GNG12: variants seen among roughly 807,000 people sequenced by gnomAD.
GNG12 encodes G protein subunit gamma 12, also known as guanine nucleotide-binding protein G(I)/G(S)/G(O) subunit gamma-12.
For missense variants in GNG12, 69 were observed against 83.8 expected, an observed-to-expected ratio of 0.82 and a Z score of 0.69; for synonymous variants, 28 against 29.7, an observed-to-expected ratio of 0.94 and a Z score of 0.19.
intron 2 of GNG12, among the ~76,000 whole-genome samples, chr1:67,764,955 G>A (rs908298356): frequency 2.0e-5 from 3 of 152,112 alleles, no homozygotes; most frequent in Non-Finnish European, 4.4e-5. Context: ...AAGCCTGTTT[G>A]GTATTTCAGG....
intron 1 of GNG12, among the ~76,000 whole-genome samples, chr1:67,833,104 G>A (rs1647060192): frequency 6.6e-6 from 1 of 151,012 alleles, no homozygotes; most frequent in African/African-American, 2.4e-5. Context: ...GGGTCTCGGT[G>A]TCCCTTGGCC....
At chr1:67,788,164 T>G (rs552002120) in intron 1 of GNG12, among the ~76,000 whole-genome samples, 1 of 152,314 alleles carries the variant, frequency 6.6e-6, no homozygotes, top group East Asian at 1.9e-4. Flanking sequence ...TGAATAATAT[T>G]TGCAAAGCAA....
intron 2 of GNG12, among the ~76,000 whole-genome samples, chr1:67,744,577 GAC>G (rs1323127362): frequency 1.3e-5 from 2 of 152,190 alleles, no homozygotes; most frequent in Non-Finnish European, 2.9e-5. Context: ...CATGGAAATG[GAC>G]AGAGACAAGG....
intron 1 of GNG12, among the ~76,000 whole-genome samples, chr1:67,785,714 C>T (rs2100775690): frequency 6.6e-6 from 1 of 152,320 alleles, no homozygotes; most frequent in East Asian, 1.9e-4. Flanking sequence ...CTTTGCTACA[C>T]CATTCCTTAC....
At position 67,799,823 on chromosome 1, in the gene GNG12, T is replaced by G. The variant is rs144991274; in HGVS notation, c.-76-22316A>C. On this transcript the variant is annotated intron_variant, in intron 1 of 3. Transcript: ENST00000370982. Reference sequence around the variant, plus strand: ...AGAAGAAATTTTAGTGAAAATTGTTTTACAGTTTTGTAAATCTCTTTAATT... The same window carrying G: ...AGAAGAAATTTTAGTGAAAATTGTTGTACAGTTTTGTAAATCTCTTTAATT... Among the ~76,000 whole-genome samples the G allele has an allele frequency of 5.1e-3, 773 of 152,372 alleles. 7 individuals are homozygous for G. The highest frequency in any genetic ancestry group is 0.018 in the African/African-American group (739 of 41,582).
At position 67,702,222 on chromosome 1, in the gene GNG12, A is replaced by G. The variant is rs1165147592; in HGVS notation, c.*3229T>C. On this transcript the variant is annotated 3_prime_UTR_variant, in exon 4 of 4. Transcript: ENST00000370982. ...TAACAGGTCTACCATAAAAGAAAGC[A>G]ATAAAACCCATAATGTACTCTGGTA... 1 of 152,250 alleles carries G rather than the reference A, an allele frequency of 6.6e-6. No individual in the cohort carries two copies. The highest frequency in any genetic ancestry group is 1.5e-5 in the Non-Finnish European group (1 of 68,048). The allele number at this position is 152,250 out of a possible 1,614,324, so 9.4% of individuals were successfully genotyped here.
chr1:67,782,375 C>G (rs1366905389), intron 1 of GNG12, among the ~76,000 whole-genome samples: 1 of 152,142 alleles, frequency 6.6e-6, no homozygotes, highest in Admixed American at 6.6e-5. Flanking sequence ...CCCCATTGTA[C>G]AACGGCTTCT....
At chr1:67,714,734 G>T (rs918488160) in intron 2 of GNG12, among the ~76,000 whole-genome samples, 1 of 152,128 alleles carries the variant, frequency 6.6e-6, no homozygotes, top group Non-Finnish European at 1.5e-5. Flanking sequence ...TTTATATGTT[G>T]AAATCCTTAC....
chr1:67,707,935 C>T (rs1284260650), intron 2 of GNG12, among the ~76,000 whole-genome samples: 1 of 152,116 alleles, frequency 6.6e-6, no homozygotes, highest in Non-Finnish European at 1.5e-5. Context: ...TGCAGAAACC[C>T]AGCACTAGCA....
At chr1:67,805,831 TA>T (rs775767498) in intron 1 of GNG12, among the ~76,000 whole-genome samples, 171 of 131,234 alleles carry the variant, frequency 1.3e-3, no homozygotes, top group African/African-American at 4.2e-3. Flanking sequence ...AATAAATACT[TA>T]AAAAAAAAAA....
chr1:67,741,998 G>A (rs1050819900), intron 2 of GNG12, among the ~76,000 whole-genome samples: 39 of 152,198 alleles, frequency 2.6e-4, no homozygotes, highest in Admixed American at 2.3e-3. Flanking sequence ...GGCTGTGACC[G>A]TGGGGTAAGT....
intron 2 of GNG12, among the ~76,000 whole-genome samples, chr1:67,763,090 GGAGAGAGA>G (rs71064962): frequency 2.6e-5 from 3 of 116,790 alleles, no homozygotes; most frequent in African/African-American, 6.5e-5. Flanking sequence ...TACCCTCCCA[GGAGAGAGA>G]GAGAGAGAGA....
At chr1:67,775,056 C>T (rs1646697159) in intron 2 of GNG12, among the ~76,000 whole-genome samples, 1 of 152,200 alleles carries the variant, frequency 6.6e-6, no homozygotes, top group Non-Finnish European at 1.5e-5. Context: ...TTTGATCACT[C>T]ACTGTCTATT....
intron 1 of GNG12, among the ~76,000 whole-genome samples, chr1:67,779,746 A>C (rs1320679590): frequency 1.3e-5 from 2 of 152,116 alleles, no homozygotes; most frequent in Non-Finnish European, 2.9e-5. Flanking sequence ...TCCCTGAAGG[A>C]GGGGGATGCG....
intron 2 of GNG12, among the ~76,000 whole-genome samples, chr1:67,761,734 A>G (rs2100740280): frequency 6.6e-6 from 1 of 152,288 alleles, no homozygotes; most frequent in South Asian, 2.1e-4. Flanking sequence ...TATTCCCGTT[A>G]ACCCTTAGTC....
chr1:67,733,836 G>A (rs1403541728), intron 2 of GNG12, among the ~76,000 whole-genome samples: 2 of 152,176 alleles, frequency 1.3e-5, no homozygotes, highest in African/African-American at 4.8e-5. Flanking sequence ...GCCCAGGCAG[G>A]CTGTGTACTG....
chr1:67,710,533 C>T (rs1282766403), intron 2 of GNG12, among the ~76,000 whole-genome samples: 2 of 152,032 alleles, frequency 1.3e-5, no homozygotes, highest in Non-Finnish European at 2.9e-5. Context: ...TCCCACCCGG[C>T]ATGGCCATTG....
chr1:67,715,552 A>T (rs1646320567), intron 2 of GNG12, among the ~76,000 whole-genome samples: 1 of 152,178 alleles, frequency 6.6e-6, no homozygotes, highest in Non-Finnish European at 1.5e-5. Flanking sequence ...AAGTGGAGGC[A>T]TCATAGTGTC....
At position 67,705,377 on chromosome 1, in the gene GNG12, A is replaced by C; in HGVS notation, c.*74T>G. 6.4e-7 allele frequency: 1 copy of C among 1,561,516 alleles called. No individual in the cohort carries two copies. Among genetic ancestry groups the C allele is most frequent in the Non-Finnish European group, 8.6e-7 (1 of 1,156,344 alleles). ...TTAGCAGTGGTTACCAAATAAGCTG[A>C]AGGTAAATCTCTTCAAGGAGCTGCT... On this transcript the variant is annotated 3_prime_UTR_variant, in exon 4 of 4. Coordinates refer to ENST00000370982, the MANE Select transcript of GNG12 (RefSeq NM_018841.6).
Sources: gnomAD v4.1 joint callset for allele counts (sites outside exome capture counted in the v4.1 genomes callset) on GRCh38, gnomAD v4.1.1 for gene constraint, MANE v1.5 for transcripts, NCBI Gene and HGNC (gene_info 2026-07-23, HGNC 2026-07-21) for gene names.